The following PLCXD3 variants were observed in gnomAD, a reference collection of about 807,000 sequenced individuals.
The protein encoded by PLCXD3 is PI-PLC X domain-containing protein 3.
Under a neutral mutation model 25.5 loss-of-function variants are expected in PLCXD3, and 19 were observed. The ratio of observed to expected loss-of-function variants is 0.75; its 90% CI spans 0.52 to 1.09. PLCXD3 has a LOEUF of 1.09. Ranked by LOEUF, PLCXD3 falls within the 50% of genes least tolerant of loss-of-function variation. PLCXD3 has a pLI of 0.00. For missense variants in PLCXD3, 411 were observed against 388.1 expected, an observed-to-expected ratio of 1.06 and a Z score of -0.50; for synonymous variants, 174 against 137.6, an observed-to-expected ratio of 1.26 and a Z score of -1.85.
intron 2 of PLCXD3, among the ~76,000 whole-genome samples, chr5:41,325,768 G>A (rs1465082783): frequency 6.6e-6 from 1 of 152,144 alleles, no homozygotes; most frequent in Non-Finnish European, 1.5e-5. Context: ...GTCTTAGTCT[G>A]TTTGGGGCTG....
chr5:41,357,811 A>T (rs768751029), intron 2 of PLCXD3, among the ~76,000 whole-genome samples: 17 of 152,236 alleles, frequency 1.1e-4, no homozygotes, highest in Non-Finnish European at 1.6e-4. Context: ...AGAAAAACAA[A>T]ACCCCAAGAT....
intron 2 of PLCXD3, among the ~76,000 whole-genome samples, chr5:41,369,565 C>T (rs751735423): frequency 7.2e-5 from 11 of 152,262 alleles, no homozygotes; most frequent in East Asian, 5.8e-4. Context: ...ACTGCAACCC[C>T]GGCCTCCTGG....
At chr5:41,391,114 A>G (rs569159435) in intron 1 of PLCXD3, among the ~76,000 whole-genome samples, 1 of 152,316 alleles carries the variant, frequency 6.6e-6, no homozygotes, top group East Asian at 1.9e-4. Flanking sequence ...TGAGCCTCCA[A>G]GTAAACTTAA....
At chr5:41,358,697 A>T (rs1021888031) in intron 2 of PLCXD3, among the ~76,000 whole-genome samples, 5 of 151,574 alleles carry the variant, frequency 3.3e-5, no homozygotes, top group African/African-American at 1.2e-4. Flanking sequence ...ATTGATTTGG[A>T]TGTCCTTTAT....
At chr5:41,489,736 G>T (rs1225642888) in intron 1 of PLCXD3, among the ~76,000 whole-genome samples, 1 of 152,066 alleles carries the variant, frequency 6.6e-6, no homozygotes, top group Non-Finnish European at 1.5e-5. Flanking sequence ...CTCTCTGTTT[G>T]TCTGTTATTG....
At chr5:41,467,607 A>T (rs11746598) in intron 1 of PLCXD3, among the ~76,000 whole-genome samples, 4,598 of 152,102 alleles carry the variant, frequency 0.03, 114 homozygotes, top group Non-Finnish European at 0.041. Context: ...TTTTGGGGTC[A>T]TATTTAAAAA....
intron 1 of PLCXD3, among the ~76,000 whole-genome samples, chr5:41,427,720 TCTGGGTG>T (rs1245558065): frequency 6.6e-6 from 1 of 152,114 alleles, no homozygotes; most frequent in Admixed American, 6.6e-5. Context: ...TCTGCCAGAC[TCTGGGTG>T]GTTGAACTGT....
chr5:41,332,336 T>C (rs1418859036), intron 2 of PLCXD3, among the ~76,000 whole-genome samples: 1 of 151,850 alleles, frequency 6.6e-6, no homozygotes, highest in East Asian at 1.9e-4. Context: ...AAAAAACACA[T>C]GAAAAAATGC....
At chr5:41,501,608 G>T (rs1285139671) in intron 1 of PLCXD3, among the ~76,000 whole-genome samples, 5 of 151,858 alleles carry the variant, frequency 3.3e-5, no homozygotes, top group Non-Finnish European at 4.4e-5. Flanking sequence ...AGTTCTAGAG[G>T]TCTGCTGTGC....
rs148826416 is a variant in PLCXD3 at position 41,313,191 on chromosome 5, G to A, written c.*426C>T. ...AACAATGTAATACACAAAATGTTGG[G>A]CATTCAATTGTTTTGATTCCCATAC... On this transcript the variant is annotated 3_prime_UTR_variant, in exon 3 of 3. Transcript: ENST00000377801. 0.01 allele frequency: 1,652 copies of A among 161,678 alleles called. 21 individuals carry two copies. The highest frequency in any genetic ancestry group is 0.065 in the Middle Eastern group (20 of 306). 10.0% of individuals were successfully genotyped at this position (161,678 alleles called of 1,614,324 possible).
At chr5:41,410,260 C>G (rs1746478887) in intron 1 of PLCXD3, among the ~76,000 whole-genome samples, 1 of 151,814 alleles carries the variant, frequency 6.6e-6, no homozygotes, top group Admixed American at 6.6e-5. Context: ...CTGCCTCAGC[C>G]TCCTGAGTAG....
At chr5:41,454,037 G>A (rs1234817143) in intron 1 of PLCXD3, among the ~76,000 whole-genome samples, 1 of 151,908 alleles carries the variant, frequency 6.6e-6, no homozygotes, top group Non-Finnish European at 1.5e-5. Context: ...AATCTATTAA[G>A]TCACACAAGA....
At chr5:41,380,849 A>AC (rs1745436999) in intron 2 of PLCXD3, among the ~76,000 whole-genome samples, 1 of 152,170 alleles carries the variant, frequency 6.6e-6, no homozygotes, top group Non-Finnish European at 1.5e-5. Context: ...AATAAATAAT[A>AC]TGTACAATTC....
chr5:41,308,667 C>G lies in PLCXD3; in HGVS notation c.*4950G>C, dbSNP rs184568310. The stretch of plus-strand genomic sequence containing the variant: ...GTATGGATGGGCCTTTAAAAGCTCT[C>G]CTAACACCAAGGCAGTTCATCTTAC... On this transcript the variant is annotated 3_prime_UTR_variant, in exon 3 of 3. Coordinates refer to ENST00000377801, the MANE Select transcript of PLCXD3 (RefSeq NM_001005473.3). 1 of 152,168 alleles carries G rather than the reference C, an allele frequency of 6.6e-6. No homozygotes were observed. The highest frequency in any genetic ancestry group is 1.9e-4 in the East Asian group (1 of 5,182). 9.4% of individuals were successfully genotyped at this position (152,168 alleles called of 1,614,324 possible).
intron 1 of PLCXD3, among the ~76,000 whole-genome samples, chr5:41,436,070 G>A (rs1042465400): frequency 5.9e-5 from 9 of 152,104 alleles, no homozygotes; most frequent in Admixed American, 1.3e-4. Context: ...TTGGAATTGG[G>A]CTGATATTTA....
At chr5:41,409,694 T>C (rs923942010) in intron 1 of PLCXD3, among the ~76,000 whole-genome samples, 1 of 152,194 alleles carries the variant, frequency 6.6e-6, no homozygotes, top group Non-Finnish European at 1.5e-5. Flanking sequence ...TCTTGTTCGC[T>C]ATTGTGCCCT....
At chr5:41,473,547 A>C (rs1454555124) in intron 1 of PLCXD3, among the ~76,000 whole-genome samples, 2 of 152,016 alleles carry the variant, frequency 1.3e-5, no homozygotes, top group Non-Finnish European at 2.9e-5. Flanking sequence ...GGTTCACGCC[A>C]TTCTCCTGCC....
rs148197658 is a variant in PLCXD3, at chr5:41,505,161, G to A, written c.103+5263C>T. 4.9e-3 allele frequency among the ~76,000 whole-genome samples: 740 copies of A among 152,240 alleles called. 3 individuals carry two copies. The highest frequency in any genetic ancestry group is 0.016 in the African/African-American group (661 of 41,546). On this transcript the variant is annotated intron_variant, in intron 1 of 2. Coordinates refer to ENST00000377801, the MANE Select transcript of PLCXD3 (RefSeq NM_001005473.3). ...ATTTTTACACGAGTAAAGCTTATGG[G>A]CCTTAACGTATGAACATTGTGGTAT...
intron 1 of PLCXD3, among the ~76,000 whole-genome samples, chr5:41,418,465 C>A (rs540514491): frequency 2.0e-5 from 3 of 152,074 alleles, no homozygotes; most frequent in African/African-American, 7.2e-5. Context: ...GAAGTAGAAA[C>A]AGCTGTAAGG....
Sources: allele counts gnomAD v4.1 joint callset (sites outside exome capture counted in the v4.1 genomes callset), GRCh38; gene constraint gnomAD v4.1.1; transcripts MANE v1.5; gene names NCBI Gene and HGNC (gene_info 2026-07-23, HGNC 2026-07-21).